LEPR: variants seen among roughly 807,000 people sequenced by gnomAD.
The protein encoded by LEPR is OB receptor.
In LEPR, 56 loss-of-function variants were observed where a neutral mutation model predicts 114.7. The observed-to-expected ratio is 0.49, with a 90% CI of 0.39 to 0.61. The LOEUF (loss-of-function observed/expected upper bound fraction) is 0.61, where lower values mean the gene tolerates loss of function less well. Among genes scored for constraint, LEPR ranks in the 20% least tolerant of loss-of-function variants. LEPR has a pLI of 0.00. For missense variants in LEPR, 1,202 were observed against 1,352.9 expected (o/e 0.89, Z 1.75); for synonymous variants, 443 against 461.4 (o/e 0.96, Z 0.51).
intron 5 of LEPR, among the ~76,000 whole-genome samples, chr1:65,581,592 G>A (rs1432253185): frequency 2.0e-5 from 3 of 152,016 alleles, no homozygotes; most frequent in African/African-American, 4.8e-5. Context: ...TATGATAAAA[G>A]CCTGCAAATC....
Position 65,636,200 on chromosome 1 carries a change from T to G in LEPR, c.2683T>G (p.Phe895Val). The G allele has an allele frequency of 6.2e-7, 1 of 1,613,764 alleles. No individual in the cohort carries two copies. Among genetic ancestry groups the G allele is most frequent in the South Asian group, 1.1e-5 (1 of 91,040 alleles). ...QGLNFQKPET[F>V]EHLFIKHTAS... ...GTGTCTTTTCTTTTAGCCAGAAACG[T>G]TTGAGCATCTTTTTATCAAGCATAC... The change falls in exon 20 of 20, where the codon TTT (phenylalanine) becomes GTT (valine). Residue 895 changes from phenylalanine to valine, a missense_variant. Physicochemically the swap from Phe to Val is conservative, Grantham distance 50. Coordinates refer to ENST00000349533, the MANE Select transcript of LEPR (RefSeq NM_002303.6).
chr1:65,433,384 C>T (rs1414337199), intron 2 of LEPR: 1 of 985,294 alleles, frequency 1.0e-6, no homozygotes, highest in African/African-American at 1.7e-5. Flanking sequence ...ATGTTGGATC[C>T]TGTAATCACA....
chr1:65,484,851 C>A (rs939838260), intron 2 of LEPR, among the ~76,000 whole-genome samples: 1 of 152,124 alleles, frequency 6.6e-6, no homozygotes, highest in Non-Finnish European at 1.5e-5. Flanking sequence ...TTGCATGCTT[C>A]TTTTGAAGAA....
intron 2 of LEPR, among the ~76,000 whole-genome samples, chr1:65,565,294 G>A (rs570339506): frequency 2.6e-5 from 4 of 152,278 alleles, no homozygotes; most frequent in Admixed American, 6.5e-5. Context: ...GTCCTGGTTT[G>A]TTATGGCATA....
intron 2 of LEPR, among the ~76,000 whole-genome samples, chr1:65,501,243 G>C (rs1648434042): frequency 6.6e-6 from 1 of 151,874 alleles, no homozygotes; most frequent in South Asian, 2.1e-4. Context: ...AATTCTGGAG[G>C]CTAGAAGTTC....
At chr1:65,579,088 A>C (rs1256388653) in intron 5 of LEPR, among the ~76,000 whole-genome samples, 3 of 152,162 alleles carry the variant, frequency 2.0e-5, no homozygotes, top group Non-Finnish European at 4.4e-5. Context: ...TCTCAGATGT[A>C]GTTATCTAGT....
At chr1:65,472,470 T>A (rs1299316287) in intron 2 of LEPR, among the ~76,000 whole-genome samples, 1 of 123,758 alleles carries the variant, frequency 8.1e-6, no homozygotes, top group Non-Finnish European at 1.6e-5. Flanking sequence ...AATATATATA[T>A]AATATACTTT....
At chr1:65,461,509 C>T (rs1365724669) in intron 2 of LEPR, among the ~76,000 whole-genome samples, 1 of 152,142 alleles carries the variant, frequency 6.6e-6, no homozygotes, top group Admixed American at 6.6e-5. Flanking sequence ...ACAAAGTCAA[C>T]AAAATAGTAT....
intron 2 of LEPR, chr1:65,433,774 G>C: frequency 2.2e-6 from 2 of 918,774 alleles, no homozygotes; most frequent in African/African-American, 3.6e-5. Flanking sequence ...TGCATTTATT[G>C]TATTGTAATA....
At chr1:65,605,878 A>C (rs1656776015) in intron 11 of LEPR, among the ~76,000 whole-genome samples, 1 of 152,208 alleles carries the variant, frequency 6.6e-6, no homozygotes, top group Non-Finnish European at 1.5e-5. Flanking sequence ...TGGTGCTGTT[A>C]CATATGTATA....
intron 2 of LEPR, among the ~76,000 whole-genome samples, chr1:65,535,295 G>T (rs574908844): frequency 2.5e-4 from 37 of 150,030 alleles, no homozygotes; most frequent in African/African-American, 8.8e-4. Context: ...GAGGTAGCTG[G>T]GTATCTAGTG....
chr1:65,592,050 A>G (rs1023317670), intron 5 of LEPR, among the ~76,000 whole-genome samples: 4 of 151,980 alleles, frequency 2.6e-5, no homozygotes, highest in African/African-American at 7.2e-5. Context: ...CCTCTAAGTG[A>G]TATCATACCA....
At chr1:65,572,147 T>A (rs1654228881) in intron 4 of LEPR, among the ~76,000 whole-genome samples, 179 bp from the exon 5 acceptor site, 1 of 151,908 alleles carries the variant, frequency 6.6e-6, no homozygotes, top group Non-Finnish European at 1.5e-5. Flanking sequence ...GACTAAGTGA[T>A]GGGCAAACGC....
rs767208142 is a variant in LEPR at position 65,565,543 on chromosome 1, C to T, written c.-20-3C>T. The T allele has an allele frequency of 6.2e-7, 1 of 1,613,184 alleles. No individual in the cohort carries two copies. Among genetic ancestry groups the T allele is most frequent in the South Asian group, 1.1e-5 (1 of 91,008 alleles). Reference sequence around the variant, plus strand: ...GTTCTGATTTTAGATTTACCTTTTCCAGGTGTACTTCTCTGAAGTAAGATG... The same window carrying T: ...GTTCTGATTTTAGATTTACCTTTTCTAGGTGTACTTCTCTGAAGTAAGATG... On this transcript the variant is annotated splice_polypyrimidine_tract_variant and splice_region_variant and intron_variant, in intron 2 of 19. Coordinates refer to ENST00000349533, the MANE Select transcript of LEPR (RefSeq NM_002303.6).
chr1:65,632,245 G>A lies in LEPR; in HGVS notation c.2674-3946G>A, dbSNP rs191127434. ...GGCCTTCCAAATGTGTGGAAGAGCT[G>A]GTGCATTTTCGAGTTAGAAGTTCTG... On this transcript the variant is annotated intron_variant, in intron 19 of 19. Coordinates refer to ENST00000349533, the MANE Select transcript of LEPR (RefSeq NM_002303.6). Among the ~76,000 whole-genome samples, 692 of 152,174 alleles carry A rather than the reference G, an allele frequency of 4.5e-3. 4 individuals are homozygous for A. Among genetic ancestry groups the A allele is most frequent in the Non-Finnish European group, 4.6e-3 (315 of 68,004 alleles).
chr1:65,635,504 T>A, intron 19 of LEPR: 1 of 435,878 alleles, frequency 2.3e-6, no homozygotes, highest in Non-Finnish European at 3.1e-6. Flanking sequence ...TAAGGAATAG[T>A]AATTTACCAG....
At chr1:65,454,048 G>A (rs1233968894) in intron 2 of LEPR, among the ~76,000 whole-genome samples, 1 of 151,028 alleles carries the variant, frequency 6.6e-6, no homozygotes, top group Non-Finnish European at 1.5e-5. Flanking sequence ...GGCCTTCTTT[G>A]TCTCTTTTGA....
Position 65,639,960 on chromosome 1 carries a change from T to G in LEPR, c.*2945T>G, listed in dbSNP as rs1407365266. ...TTGACAAGAAAAATAGGAGCAGTTT[T>G]TTTTTTCTTTTTAAACCTAGTCACC... On this transcript the variant is annotated 3_prime_UTR_variant, in exon 20 of 20. Transcript: ENST00000349533. 6.6e-6 allele frequency: 1 copy of G among 152,160 alleles called. No individual in the cohort carries two copies. The highest frequency in any genetic ancestry group is 2.4e-5 in the African/African-American group (1 of 41,434). The allele number at this position is 152,160 out of a possible 1,614,324, so 9.4% of individuals were successfully genotyped here. A position where few individuals can be genotyped will look rare whatever the true frequency, so the allele number is the denominator to read the frequency against.
intron 17 of LEPR, among the ~76,000 whole-genome samples, chr1:65,620,281 T>C (rs1657794963): frequency 6.6e-6 from 1 of 152,228 alleles, no homozygotes; most frequent in Admixed American, 6.5e-5. Context: ...ATTTTGATTT[T>C]GTTATTACTT....
Sources: gnomAD v4.1 joint callset for allele counts (sites outside exome capture counted in the v4.1 genomes callset) on GRCh38, gnomAD v4.1.1 for gene constraint, MANE v1.5 for transcripts, NCBI Gene and HGNC (gene_info 2026-07-23, HGNC 2026-07-21) for gene names.